CCDC178: variants seen among roughly 807,000 people sequenced by gnomAD.
CCDC178 encodes coiled-coil domain containing 178, also known as coiled-coil domain-containing protein 178.
A neutral mutation model predicts 117.4 loss-of-function variants in CCDC178; 126 were observed. The ratio of observed to expected loss-of-function variants is 1.07; its 90% confidence interval spans 0.93 to 1.24. The LOEUF (loss-of-function observed/expected upper bound fraction) is 1.24. Ranked by LOEUF, CCDC178 falls within the 50% of genes most tolerant of loss-of-function variation. CCDC178 has a pLI of 0.00. For missense variants in CCDC178, 1,030 were observed against 986.9 expected, an observed-to-expected ratio of 1.04 and a Z score of -0.59; for synonymous variants, 283 against 313.4, an observed-to-expected ratio of 0.90 and a Z score of 1.02.
intron 21 of CCDC178, among the ~76,000 whole-genome samples, chr18:32,984,782 T>A (rs1238553818): frequency 6.6e-6 from 1 of 152,038 alleles, no homozygotes; most frequent in Non-Finnish European, 1.5e-5. Flanking sequence ...AAGATAGAAT[T>A]ACATGACAGC....
chr18:33,026,509 T>C (rs2056232579), intron 21 of CCDC178, among the ~76,000 whole-genome samples: 1 of 152,024 alleles, frequency 6.6e-6, no homozygotes, highest in Admixed American at 6.6e-5. Flanking sequence ...CACCCACAAA[T>C]TTCATGAGGT....
At chr18:33,284,017 A>G (rs1366002138) in intron 12 of CCDC178, among the ~76,000 whole-genome samples, 3 of 152,276 alleles carry the variant, frequency 2.0e-5, no homozygotes, top group African/African-American at 7.2e-5. Context: ...AATGCCTATT[A>G]ATGATAGACC....
At chr18:33,400,384 T>C (rs2063694437) in intron 3 of CCDC178, among the ~76,000 whole-genome samples, 1 of 152,210 alleles carries the variant, frequency 6.6e-6, no homozygotes, top group Admixed American at 6.5e-5. Flanking sequence ...GCTATGAAAG[T>C]TCTTCTAAGG....
At chr18:33,349,052 T>C (rs1053896406) in intron 7 of CCDC178, 77 bp from the exon 8 acceptor site, 3 of 828,970 alleles carry the variant, frequency 3.6e-6, no homozygotes, top group Non-Finnish European at 5.7e-6. Context: ...TGCTCTTCTA[T>C]TGAATTTTAA....
At chr18:33,124,947 TG>T (rs1478484929) in intron 20 of CCDC178, among the ~76,000 whole-genome samples, 1 of 152,206 alleles carries the variant, frequency 6.6e-6, no homozygotes, top group East Asian at 1.9e-4. Flanking sequence ...TTCTGAGACA[TG>T]GTCCCTGTGG....
chr18:33,144,025 T>A (rs529332197), intron 20 of CCDC178, among the ~76,000 whole-genome samples: 1 of 152,200 alleles, frequency 6.6e-6, no homozygotes, highest in South Asian at 2.1e-4. Flanking sequence ...ACCTTTGAGT[T>A]TTTGTTCTAA....
rs2062694905 is a variant in CCDC178, at chr18:33,333,246, A to G, written c.807T>C (p.His269=). The G allele has an allele frequency of 6.2e-7, 1 of 1,612,932 alleles. No homozygotes were observed. The highest frequency in any genetic ancestry group is 1.1e-5 in the South Asian group (1 of 91,044). ...TCTGCTTAGAGTCCAGTAGAGGGCC[A>G]TGTTCATTCATGTAGTCTATGTCTG... The part of the protein sequence containing the change: ...IQADIDYMNE[H]GPLLDSKQNQ... The change falls in exon 10 of 23, where the codon CAT becomes CAC. Residue 269 remains histidine (H), a synonymous_variant. Coordinates refer to ENST00000383096, the MANE Select transcript of CCDC178 (RefSeq NM_001105528.4).
intron 20 of CCDC178, among the ~76,000 whole-genome samples, chr18:33,095,892 C>G (rs1480982764): frequency 6.6e-6 from 1 of 151,864 alleles, no homozygotes; most frequent in Non-Finnish European, 1.5e-5. Context: ...CCAGGTTTAA[C>G]AAGAATTCTT....
intron 21 of CCDC178, among the ~76,000 whole-genome samples, chr18:33,075,780 C>G (rs2057195735): frequency 6.6e-6 from 1 of 151,982 alleles, no homozygotes; most frequent in East Asian, 1.9e-4. Flanking sequence ...ACCAGCCTGG[C>G]CAACATGGTG....
intron 12 of CCDC178, among the ~76,000 whole-genome samples, chr18:33,287,853 T>C (rs2060118677): frequency 1.3e-5 from 2 of 152,172 alleles, no homozygotes; most frequent in Admixed American, 1.3e-4. Flanking sequence ...GCCAGCGTAT[T>C]CATTTTAGAG....
intron 21 of CCDC178, among the ~76,000 whole-genome samples, chr18:33,004,852 T>G (rs539711042): frequency 2.5e-4 from 38 of 152,034 alleles, no homozygotes; most frequent in African/African-American, 8.2e-4. Context: ...GGCAAACAGG[T>G]ATATGAAAAG....
chr18:33,215,569 G>C lies in CCDC178; in HGVS notation c.2059C>G (p.Gln687Glu). 6.9e-7 allele frequency: 1 copy of C among 1,444,714 alleles called. No homozygotes were observed. Among genetic ancestry groups the C allele is most frequent in the Non-Finnish European group, 9.2e-7 (1 of 1,082,156 alleles). The allele number at this position is 1,444,714 out of a possible 1,614,324, so 89.5% of individuals were successfully genotyped here. A position where few individuals can be genotyped will look rare whatever the true frequency, so the allele number is the denominator to read the frequency against. The change falls in exon 19 of 23, where the codon CAG becomes GAG. Residue 687 changes from glutamine to glutamate, a missense_variant. By Grantham distance (29) the Gln-to-Glu change is conservative (BLOSUM62 2). Coordinates refer to ENST00000383096, the MANE Select transcript of CCDC178 (RefSeq NM_001105528.4). ...AKEEEKKSFD[Q>E]TLEILKNKFI... The stretch of plus-strand genomic sequence containing the variant: ...ACTTACTTTAATATTTCAAGTGTCT[G>C]ATCAAAACTTTTCTTTTCTTCTTCT...
At chr18:33,070,788 G>A (rs553710616) in intron 21 of CCDC178, among the ~76,000 whole-genome samples, 89 of 151,968 alleles carry the variant, frequency 5.9e-4, no homozygotes, top group African/African-American at 2.0e-3. Context: ...ATAAATATGT[G>A]GAATTATTAT....
chr18:33,033,715 T>A (rs1449685778), intron 21 of CCDC178, among the ~76,000 whole-genome samples: 1 of 151,992 alleles, frequency 6.6e-6, no homozygotes, highest in East Asian at 1.9e-4. Context: ...TTTTTCATCT[T>A]TTCCCTGTTT....
At chr18:33,410,194 T>C (rs1001367620) in intron 3 of CCDC178, among the ~76,000 whole-genome samples, 5 of 152,182 alleles carry the variant, frequency 3.3e-5, no homozygotes, top group African/African-American at 1.2e-4. Flanking sequence ...CTCTCTGAAG[T>C]CTTGGAACAA....
intron 18 of CCDC178, among the ~76,000 whole-genome samples, chr18:33,218,478 GGCTTTTGTTGCCATT>G (rs1389203987): frequency 6.6e-6 from 1 of 152,026 alleles, no homozygotes; most frequent in Non-Finnish European, 1.5e-5. Context: ...TGTCTATTTT[GGCTTTTGTTGCCATT>G]GCTTTTGGTG....
chr18:33,094,815 C>T (rs1343480129), intron 20 of CCDC178, among the ~76,000 whole-genome samples: 2 of 151,860 alleles, frequency 1.3e-5, no homozygotes, highest in Non-Finnish European at 2.9e-5. Flanking sequence ...ATCTTCAAAA[C>T]GTTACATCAG....
intron 21 of CCDC178, among the ~76,000 whole-genome samples, chr18:33,017,317 T>C (rs1239667217): frequency 6.6e-6 from 1 of 151,646 alleles, no homozygotes; most frequent in Non-Finnish European, 1.5e-5. Context: ...CAACAAATAA[T>C]CCCCAAATAC....
intron 22 of CCDC178, among the ~76,000 whole-genome samples, chr18:32,962,039 T>C (rs1461304800): frequency 6.6e-6 from 1 of 151,710 alleles, no homozygotes; most frequent in Non-Finnish European, 1.5e-5. Context: ...TAGAATTCCA[T>C]GTTAATCTGA....
Sources: allele counts gnomAD v4.1 joint callset (sites outside exome capture counted in the v4.1 genomes callset), GRCh38; gene constraint gnomAD v4.1.1; transcripts MANE v1.5; gene names NCBI Gene and HGNC (gene_info 2026-07-23, HGNC 2026-07-21).